The following PACRGL variants were observed in gnomAD, a reference collection of about 807,000 sequenced individuals.
PACRGL encodes parkin coregulated like.
A neutral mutation model predicts 34.5 loss-of-function variants in PACRGL; 38 were observed. That is an observed-to-expected ratio of 1.10 (90% CI 0.85 to 1.44). The LOEUF (loss-of-function observed/expected upper bound fraction) is 1.44. Among genes scored for constraint, PACRGL ranks in the 40% most tolerant of loss-of-function variants. The pLI is 0.00. For missense variants in PACRGL, 305 were observed against 281.4 expected (o/e 1.08, Z -0.60); for synonymous variants, 128 against 100.1 (o/e 1.28, Z -1.66).
chr4:20,742,609 TACTG>T (rs1303349435), intron 8 of PACRGL, among the ~76,000 whole-genome samples: 6 of 152,152 alleles, frequency 3.9e-5, no homozygotes, highest in African/African-American at 1.2e-4. Context: ...GCCAATATCA[TACTG>T]AATGGGCAAA....
At chr4:20,722,737 A>G (rs1743933075) in intron 7 of PACRGL, among the ~76,000 whole-genome samples, 1 of 152,148 alleles carries the variant, frequency 6.6e-6, no homozygotes. Flanking sequence ...GTTGACAAGG[A>G]TACCCTATCC....
chr4:20,737,693 T>G (rs551085070), intron 8 of PACRGL, among the ~76,000 whole-genome samples: 53 of 152,326 alleles, frequency 3.5e-4, no homozygotes, highest in African/African-American at 1.2e-3. Flanking sequence ...GCTCTGATAC[T>G]AAGCAGTAAG....
chr4:20,714,655 G>T (rs900052144), intron 7 of PACRGL, among the ~76,000 whole-genome samples: 1 of 152,126 alleles, frequency 6.6e-6, no homozygotes, highest in Non-Finnish European at 1.5e-5. Context: ...TCCTTTCCAT[G>T]TTTAGTGCTT....
At chr4:20,763,907 C>T in the PACRGL span, among the ~76,000 whole-genome samples, 5 of 152,098 alleles carry the variant, frequency 3.3e-5, no homozygotes, top group Admixed American at 1.3e-4. Flanking sequence ...AAATTGTCTC[C>T]ATTTCCCAGG....
intron 7 of PACRGL, among the ~76,000 whole-genome samples, chr4:20,718,092 A>T (rs1422542938): frequency 6.6e-6 from 1 of 151,938 alleles, no homozygotes; most frequent in Non-Finnish European, 1.5e-5. Context: ...ATTCTCTTTG[A>T]GGCAGTTGTG....
chr4:20,729,884 G>GTGGCATTATGAAAA lies in PACRGL; in HGVS notation c.*2544_*2557dup, dbSNP rs1468887571. The GTGGCATTATGAAAA allele has an allele frequency of 6.0e-6, 3 of 500,400 alleles. No individual in the cohort carries two copies. The highest frequency in any genetic ancestry group is 2.0e-5 in the African/African-American group (1 of 50,346). 31.0% of individuals were successfully genotyped at this position (500,400 alleles called of 1,614,324 possible). A position where few individuals can be genotyped will look rare whatever the true frequency, so the allele number is the denominator to read the frequency against. On this transcript the variant is annotated 3_prime_UTR_variant, in exon 9 of 9. Coordinates refer to ENST00000503585, the MANE Select transcript of PACRGL (RefSeq NM_001258345.3). ...TGAGTTAGACCATCCCCTGAACTCA[G>GTGGCATTATGAAAA]TGGCATTATGAAAAGGATGCAAATT...
chr4:20,703,492 GTGTGTGTGTGTGTGTGTGTT>G (rs1733162152), intron 1 of PACRGL, among the ~76,000 whole-genome samples: 1 of 143,568 alleles, frequency 7.0e-6, no homozygotes, highest in Non-Finnish European at 1.5e-5. Flanking sequence ...GTGTGTGTGT[GTGTGTGTGTGTGTGTGTGTT>G]TGTGTGTGTG....
At chr4:20,699,372 T>G (rs1731471124), upstream of PACRGL, among the ~76,000 whole-genome samples, 2 of 152,174 alleles carry the variant, frequency 1.3e-5, no homozygotes, top group African/African-American at 4.8e-5. Flanking sequence ...AAAACTTAGA[T>G]TTGTATGCAA....
rs375978838 is a variant in PACRGL, at chr4:20,732,465, G to GTGTT, written c.*5125_*5128dup. Among the ~76,000 whole-genome samples the GTGTT allele has an allele frequency of 1.6e-4, 24 of 152,210 alleles. No homozygotes were observed. Among genetic ancestry groups the GTGTT allele is most frequent in the African/African-American group, 5.8e-4 (24 of 41,446 alleles). ...ACTTGTGAAACATGAGAACTGTTTAGTGTTGTATCTTGGATTTAGTGAATG... is the reference window on the plus strand; with the variant it reads ...ACTTGTGAAACATGAGAACTGTTTAGTGTTTGTTGTATCTTGGATTTAGTGAATG... On this transcript the variant is annotated 3_prime_UTR_variant, in exon 9 of 9. Transcript: ENST00000503585.
chr4:20,740,890 T>C (rs1172908785), intron 8 of PACRGL, among the ~76,000 whole-genome samples: 3 of 150,300 alleles, frequency 2.0e-5, no homozygotes, highest in Admixed American at 6.6e-5. Flanking sequence ...ACCAAGCAAA[T>C]GGAAAACAAA....
At chr4:20,706,244 A>G (rs934790038) in intron 3 of PACRGL, among the ~76,000 whole-genome samples, 3 of 152,100 alleles carry the variant, frequency 2.0e-5, no homozygotes, top group African/African-American at 4.8e-5. Context: ...AAAGGCAAAG[A>G]AAGGAATTGT....
intron 7 of PACRGL, 125 bp from the exon 8 acceptor site, chr4:20,724,683 G>A (rs1744867235): frequency 2.3e-6 from 1 of 439,814 alleles, no homozygotes. Context: ...AAATTTCAAT[G>A]AGATGCTTCC....
chr4:20,757,465 A>C (rs761819108), downstream of PACRGL, among the ~76,000 whole-genome samples: 1 of 152,164 alleles, frequency 6.6e-6, no homozygotes, highest in Non-Finnish European at 1.5e-5. Flanking sequence ...CCTCAAGGAT[A>C]AAGTCCCATT....
chr4:20,704,109 G>A (rs1299559968), intron 1 of PACRGL, among the ~76,000 whole-genome samples: 1 of 151,408 alleles, frequency 6.6e-6, no homozygotes. Flanking sequence ...CAGAGAAGAT[G>A]GAGAAGATGA....
At chr4:20,736,681 T>C (rs772963656), downstream of PACRGL, among the ~76,000 whole-genome samples, 1 of 152,218 alleles carries the variant, frequency 6.6e-6, no homozygotes, top group African/African-American at 2.4e-5. Flanking sequence ...AATATTTCAA[T>C]TCGCTTTTAA....
Position 20,731,687 on chromosome 4 carries a change from T to G in PACRGL, c.*4346T>G, listed in dbSNP as rs2114473. ...ATAATATATGAGTGATGCTAAGTTTTGGCAAAGAGCAATTCAAATCTCATG... is the reference window on the plus strand; with the variant it reads ...ATAATATATGAGTGATGCTAAGTTTGGGCAAAGAGCAATTCAAATCTCATG... On this transcript the variant is annotated 3_prime_UTR_variant, in exon 9 of 9. Transcript: ENST00000503585. 0.31 allele frequency: 308,818 copies of G among 983,874 alleles called. 49,223 individuals carry two copies. Among genetic ancestry groups the G allele is most frequent in the African/African-American group, 0.44 (24,968 of 57,224 alleles). The allele number at this position is 983,874 out of a possible 1,614,324, so 60.9% of individuals were successfully genotyped here.
At chr4:20,760,651 A>G in the PACRGL span, among the ~76,000 whole-genome samples, 1 of 152,162 alleles carries the variant, frequency 6.6e-6, no homozygotes, top group African/African-American at 2.4e-5. Flanking sequence ...AGCTGCATTC[A>G]CAGAGGCAGA....
chr4:20,729,984 G>A lies in PACRGL; in HGVS notation c.*2643G>A, dbSNP rs1230030946. The A allele has an allele frequency of 2.9e-6, 4 of 1,382,356 alleles. No homozygotes were observed. The highest frequency in any genetic ancestry group is 2.5e-5 in the Admixed American group (1 of 40,496). 85.6% of individuals were successfully genotyped at this position (1,382,356 alleles called of 1,614,324 possible). A position where few individuals can be genotyped will look rare whatever the true frequency, so the allele number is the denominator to read the frequency against. On this transcript the variant is annotated 3_prime_UTR_variant, in exon 9 of 9. Coordinates refer to ENST00000503585, the MANE Select transcript of PACRGL (RefSeq NM_001258345.3). ...GCTTGTTTGCATAATATGCTTCAGT[G>A]TCAAGCTGAGCAATCTATGCTAAAA... is the stretch of plus-strand genomic sequence containing the variant.
In PACRGL at chr4:20,724,858, A is replaced by T; in HGVS notation, c.660A>T (p.Ala220=). The T allele has an allele frequency of 6.7e-7, 1 of 1,499,272 alleles. No homozygotes were observed. Among genetic ancestry groups the T allele is most frequent in the Admixed American group, 2.3e-5 (1 of 42,622 alleles). 92.9% of individuals were successfully genotyped at this position (1,499,272 alleles called of 1,614,324 possible). The change falls in exon 8 of 9, where the codon GCA becomes GCT. Residue 220 remains alanine (A), a synonymous_variant. Transcript: ENST00000503585. ...DKKFKEPITS[A]LQKLEQHGGS... is the part of the protein sequence containing the mutation. The stretch of plus-strand genomic sequence containing the variant: ...AATTCAAAGAGCCAATCACCAGCGC[A>T]TTACAAAAGCTAGAGCAACATGGTG...
Sources: allele counts gnomAD v4.1 joint callset (sites outside exome capture counted in the v4.1 genomes callset), GRCh38; gene constraint gnomAD v4.1.1; transcripts MANE v1.5; gene names NCBI Gene and HGNC (gene_info 2026-07-23, HGNC 2026-07-21).